The following DIS3L2 variants were observed in gnomAD, a reference collection of about 807,000 sequenced individuals.
The protein encoded by DIS3L2 is DIS3-like exonuclease 2.
DIS3L2 carries 34 observed loss-of-function variants against 97.5 expected under a neutral mutation model. The observed-to-expected ratio is 0.35, with a 90% CI of 0.27 to 0.46. The LOEUF (loss-of-function observed/expected upper bound fraction) is 0.46, where lower values mean the gene tolerates loss of function less well. DIS3L2 is among the 20% of genes least tolerant of loss of function. DIS3L2 has a pLI of 1.00. For missense variants in DIS3L2, 1,038 were observed against 1,146.0 expected (o/e 0.91, Z 1.36); for synonymous variants, 435 against 445.2 (o/e 0.98, Z 0.29).
intron 9 of DIS3L2, among the ~76,000 whole-genome samples, chr2:232,191,560 T>C (rs1392382442): frequency 1.3e-5 from 2 of 152,214 alleles, no homozygotes; most frequent in African/African-American, 4.8e-5. Flanking sequence ...ATAGTAGGTG[T>C]ATGGATTTGT....
intron 4 of DIS3L2, among the ~76,000 whole-genome samples, chr2:232,026,371 C>G (rs1318721671): frequency 6.6e-6 from 1 of 152,126 alleles, no homozygotes; most frequent in African/African-American, 2.4e-5. Context: ...CATGGCTTCA[C>G]CTCTGGCTTG....
rs1060503036 is a variant in DIS3L2, at chr2:232,263,282, A to T, written c.1501A>T (p.Ile501Phe). 6.2e-7 allele frequency: 1 copy of T among 1,614,200 alleles called. No individual in the cohort carries two copies. Among genetic ancestry groups the T allele is most frequent in the Admixed American group, 1.7e-5 (1 of 60,032 alleles). The part of the protein sequence containing the change: ...KLSYEHAQSM[I>F]ESPTEKIPAK... ...TAGCTACGAGCATGCACAGAGCATG[A>T]TTGAAAGCCCAACTGAGAAAATCCC... The change falls in exon 13 of 21, where the codon ATT becomes TTT. Residue 501 changes from isoleucine (I) to phenylalanine (F), a missense_variant. Around this residue, in one of 3 missense-constraint regions of DIS3L2, gnomAD observed 813 missense variants for 880.1 expected, o/e 0.92. Transcript: ENST00000325385.
chr2:232,299,978 A>G (rs1371517781), intron 13 of DIS3L2, 62 bp from the exon 14 acceptor site: 1 of 1,501,958 alleles, frequency 6.7e-7, no homozygotes, highest in African/African-American at 1.4e-5. Context: ...TTTTCATTTC[A>G]GCTATTGGAA....
At chr2:232,193,823 A>T (rs1481762132) in intron 9 of DIS3L2, among the ~76,000 whole-genome samples, 1 of 152,222 alleles carries the variant, frequency 6.6e-6, no homozygotes. Context: ...TGGAGTTGGA[A>T]GACCCCAATT....
At chr2:232,173,369 TG>T (rs1236919950) in intron 9 of DIS3L2, among the ~76,000 whole-genome samples, 1 of 151,830 alleles carries the variant, frequency 6.6e-6, no homozygotes, top group Non-Finnish European at 1.5e-5. Context: ...TAGCTGGGAG[TG>T]CAGGCACCCA....
At chr2:232,205,152 A>G (rs1281137434) in intron 9 of DIS3L2, among the ~76,000 whole-genome samples, 1 of 151,550 alleles carries the variant, frequency 6.6e-6, no homozygotes, top group Admixed American at 6.6e-5. Context: ...TAATCTCTCA[A>G]TATACATATG....
intron 6 of DIS3L2, among the ~76,000 whole-genome samples, chr2:232,100,174 C>T (rs1405305953): frequency 6.7e-6 from 1 of 150,254 alleles, no homozygotes; most frequent in Admixed American, 6.7e-5. Context: ...CAGGTGCCTG[C>T]CACCATGCCC....
At chr2:232,329,085 G>GTCTAATGTTGAGTTCTGTGGGGAGCC (rs1695657956) in intron 14 of DIS3L2, 1 of 152,372 alleles carries the variant, frequency 6.6e-6, no homozygotes. Flanking sequence ...TCTAATGACA[G>GTCTAATGTTGAGTTCTGTGGGGAGCC]ACACCCAAGT....
chr2:232,010,985 A>G (rs1049537711), intron 1 of DIS3L2, among the ~76,000 whole-genome samples: 1 of 152,186 alleles, frequency 6.6e-6, no homozygotes, highest in African/African-American at 2.4e-5. Context: ...GGTTCTCAAG[A>G]CACCGTTTAT....
intron 14 of DIS3L2, among the ~76,000 whole-genome samples, chr2:232,324,552 G>T (rs1305014103): frequency 6.6e-6 from 1 of 152,186 alleles, no homozygotes; most frequent in Non-Finnish European, 1.5e-5. Context: ...TGAGTGTCCT[G>T]TGTGAGGAAG....
chr2:232,215,300 C>G (rs1356911425), intron 10 of DIS3L2, among the ~76,000 whole-genome samples: 1 of 152,176 alleles, frequency 6.6e-6, no homozygotes, highest in East Asian at 1.9e-4. Flanking sequence ...GCACAGCCCT[C>G]TGCTCTGCTG....
intron 10 of DIS3L2, among the ~76,000 whole-genome samples, chr2:232,234,793 CT>C (rs1416052937): frequency 6.6e-6 from 1 of 152,198 alleles, no homozygotes; most frequent in African/African-American, 2.4e-5. Context: ...CCGAGAGCTC[CT>C]TAAATGGATG....
intron 5 of DIS3L2, among the ~76,000 whole-genome samples, chr2:232,043,186 T>C (rs907255896): frequency 9.9e-5 from 15 of 152,190 alleles, no homozygotes; most frequent in Admixed American, 7.2e-4. Context: ...TCTAGGGGCT[T>C]TGCTTTGCAT....
chr2:232,009,987 T>G (rs532898583), intron 1 of DIS3L2, among the ~76,000 whole-genome samples: 1 of 152,298 alleles, frequency 6.6e-6, no homozygotes. Context: ...CAGTGGAGCT[T>G]CCTGTCATCA....
chr2:232,001,563 T>C (rs1442830160), intron 1 of DIS3L2, among the ~76,000 whole-genome samples: 1 of 129,448 alleles, frequency 7.7e-6, no homozygotes, highest in Non-Finnish European at 1.6e-5. Flanking sequence ...TTGTCTTTTT[T>C]TTTTTTTTTT....
chr2:232,036,318 G>A (rs1033113766), intron 5 of DIS3L2, among the ~76,000 whole-genome samples: 3 of 152,094 alleles, frequency 2.0e-5, no homozygotes, highest in Admixed American at 2.0e-4. Flanking sequence ...TTCATCTACT[G>A]ATACTTGTAT....
At chr2:232,296,057 A>G (rs776922238) in intron 13 of DIS3L2, among the ~76,000 whole-genome samples, 54 of 152,230 alleles carry the variant, frequency 3.5e-4, no homozygotes, top group Admixed American at 6.5e-4. Context: ...TCAGCAGCCT[A>G]CTGGCCATCT....
At chr2:231,987,908 C>G (rs2106187033) in intron 1 of DIS3L2, among the ~76,000 whole-genome samples, 1 of 152,178 alleles carries the variant, frequency 6.6e-6, no homozygotes, top group South Asian at 2.1e-4. Flanking sequence ...GGCACGATCT[C>G]TGCTCACTGT....
At chr2:232,220,847 A>G (rs760274575) in intron 10 of DIS3L2, among the ~76,000 whole-genome samples, 1 of 152,164 alleles carries the variant, frequency 6.6e-6, no homozygotes, top group Non-Finnish European at 1.5e-5. Context: ...TCATTCCTGT[A>G]ATCCCAGCAC....
Sources: allele counts gnomAD v4.1 joint callset (sites outside exome capture counted in the v4.1 genomes callset), GRCh38; gene constraint gnomAD v4.1.1; regional missense constraint gnomAD v4.1.1; transcripts MANE v1.5; gene names NCBI Gene and HGNC (gene_info 2026-07-23, HGNC 2026-07-21).